GRM7: variants seen among roughly 807,000 people sequenced by gnomAD.
GRM7 encodes glutamate metabotropic receptor 7, also known as metabotropic glutamate receptor 7.
Under a neutral mutation model 84.5 loss-of-function variants are expected in GRM7, and 35 were observed. The ratio of observed to expected loss-of-function variants is 0.41; its 90% CI spans 0.32 to 0.55. The LOEUF (loss-of-function observed/expected upper bound fraction) is 0.55. Ranked by LOEUF, GRM7 falls within the 20% of genes least tolerant of loss-of-function variation. The pLI is 0.19. For missense variants in GRM7, 1,003 were observed against 1,194.6 expected (o/e 0.84, Z 2.36); for synonymous variants, 487 against 455.1 (o/e 1.07, Z -0.89).
chr3:7,090,839 T>C (rs528494172), intron 1 of GRM7, among the ~76,000 whole-genome samples: 1 of 152,308 alleles, frequency 6.6e-6, no homozygotes, highest in South Asian at 2.1e-4. Flanking sequence ...CCATGAGTCT[T>C]TGAAGTGCTT....
At chr3:7,112,657 T>G (rs1226176818) in intron 1 of GRM7, among the ~76,000 whole-genome samples, 2 of 152,188 alleles carry the variant, frequency 1.3e-5, no homozygotes, top group Non-Finnish European at 2.9e-5. Flanking sequence ...GTTTTTGTCC[T>G]CACTTGGCTT....
At chr3:7,317,209 C>T (rs9869032) in intron 4 of GRM7, among the ~76,000 whole-genome samples, 10,000 of 152,112 alleles carry the variant, frequency 0.066, 888 homozygotes, top group African/African-American at 0.2. Context: ...AATACAAAAA[C>T]GAACGTGGTG....
At chr3:7,173,811 T>G (rs1029214488) in intron 2 of GRM7, among the ~76,000 whole-genome samples, 1 of 152,206 alleles carries the variant, frequency 6.6e-6, no homozygotes, top group Non-Finnish European at 1.5e-5. Context: ...CAGAATGAGA[T>G]AGTTTCCTCT....
chr3:7,418,791 T>A (rs1490606175), intron 5 of GRM7, among the ~76,000 whole-genome samples: 1 of 152,186 alleles, frequency 6.6e-6, no homozygotes, highest in East Asian at 1.9e-4. Flanking sequence ...TATACCACAG[T>A]GGTTAAGAAA....
intron 1 of GRM7, among the ~76,000 whole-genome samples, chr3:6,922,787 C>A (rs1697168998): frequency 6.6e-6 from 1 of 152,008 alleles, no homozygotes; most frequent in Non-Finnish European, 1.5e-5. Context: ...ATGTTCTGTT[C>A]AAAGATAATG....
chr3:7,228,744 C>T (rs1023892067), intron 2 of GRM7, among the ~76,000 whole-genome samples: 35 of 152,092 alleles, frequency 2.3e-4, no homozygotes, highest in African/African-American at 8.5e-4. Context: ...AATCATAGTT[C>T]TACTACCAGA....
intron 1 of GRM7, among the ~76,000 whole-genome samples, chr3:7,118,340 T>A (rs1042741527): frequency 4.0e-5 from 6 of 151,864 alleles, no homozygotes; most frequent in Non-Finnish European, 5.9e-5. Flanking sequence ...TAGTGAGCTG[T>A]GGTCATACCA....
intron 1 of GRM7, among the ~76,000 whole-genome samples, chr3:7,001,137 T>C (rs1302069984): frequency 6.6e-6 from 1 of 152,148 alleles, no homozygotes; most frequent in Non-Finnish European, 1.5e-5. Flanking sequence ...GCAAAGCCTT[T>C]TTAAATACAA....
chr3:7,094,860 T>C (rs931656949), intron 1 of GRM7, among the ~76,000 whole-genome samples: 3 of 152,158 alleles, frequency 2.0e-5, no homozygotes, highest in African/African-American at 7.2e-5. Flanking sequence ...TTAAAAAAAT[T>C]ACATCTTTAT....
intron 1 of GRM7, among the ~76,000 whole-genome samples, chr3:7,104,844 G>A (rs1699240676): frequency 6.6e-6 from 1 of 151,704 alleles, no homozygotes; most frequent in South Asian, 2.1e-4. Flanking sequence ...ATAAAAATTG[G>A]CATATCTAAG....
At chr3:6,956,539 T>C (rs1228936717) in intron 1 of GRM7, 1 of 456,076 alleles carries the variant, frequency 2.2e-6, no homozygotes, top group African/African-American at 2.0e-5. Context: ...GTGGCATATT[T>C]TCCACACTCT....
In GRM7 at chr3:7,210,491, G is replaced by A. The variant is rs776245980; in HGVS notation, c.736+63823G>A. Among the ~76,000 whole-genome samples the A allele has an allele frequency of 7.4e-4, 112 of 152,174 alleles. 1 individual carries two copies. The highest frequency in any genetic ancestry group is 2.8e-4 in the Non-Finnish European group (19 of 68,032). On this transcript the variant is annotated intron_variant, in intron 2 of 9. Transcript: ENST00000357716. ...AGAGGGATGTGAAAGTGTAAGGCCA[G>A]GTGTTACAGAAGGTATGTGTTTTTA...
chr3:6,940,151 G>C (rs750108940), intron 1 of GRM7, among the ~76,000 whole-genome samples: 1 of 152,186 alleles, frequency 6.6e-6, no homozygotes, highest in African/African-American at 2.4e-5. Context: ...GAATGCAGTG[G>C]CACAATCGTG....
At position 7,438,845 on chromosome 3, in the gene GRM7, A is replaced by G. The variant is rs1346260126; in HGVS notation, c.1175-13762A>G. Among the ~76,000 whole-genome samples the G allele has an allele frequency of 8.8e-4, 134 of 152,226 alleles. 2 individuals carry two copies. Among genetic ancestry groups the G allele is most frequent in the Non-Finnish European group, 7.4e-5 (5 of 68,008 alleles). On this transcript the variant is annotated intron_variant, in intron 5 of 9. Coordinates refer to ENST00000357716, the MANE Select transcript of GRM7 (RefSeq NM_000844.4). ...GGGGGACACACACAATATATACAGCACAGGAGCTGCCACATATTTATGTGA... is the reference window on the plus strand; with the variant it reads ...GGGGGACACACACAATATATACAGCGCAGGAGCTGCCACATATTTATGTGA...
chr3:7,718,981 G>A (rs948196051), intron 9 of GRM7, among the ~76,000 whole-genome samples: 1 of 152,196 alleles, frequency 6.6e-6, no homozygotes, highest in Non-Finnish European at 1.5e-5. Flanking sequence ...AACCTGGTAT[G>A]ATTCATATTG....
At position 7,144,177 on chromosome 3, in the gene GRM7, AT is replaced by A. The variant is rs1448531789; in HGVS notation, c.520-2274del. Among the ~76,000 whole-genome samples the A allele has an allele frequency of 1.2e-4, 18 of 152,288 alleles. 1 individual carries two copies. In the South Asian group the frequency reaches 3.7e-3, roughly 32 times the overall value. ...TTCCTTTTTAATGCTTATTTAAAAA[AT>A]ATTTTAGTAATAATTCAGCAAAGCA... On this transcript the variant is annotated intron_variant, in intron 1 of 9. Transcript: ENST00000357716.
At chr3:7,189,624 G>A (rs115351210) in intron 2 of GRM7, among the ~76,000 whole-genome samples, 2,122 of 152,190 alleles carry the variant, frequency 0.014, 54 homozygotes, top group African/African-American at 0.049. Flanking sequence ...CCAAAGTAAG[G>A]TGACCTCAAC....
chr3:7,465,721 C>T (rs1698435665), intron 7 of GRM7, among the ~76,000 whole-genome samples: 2 of 152,016 alleles, frequency 1.3e-5, no homozygotes, highest in Non-Finnish European at 2.9e-5. Flanking sequence ...TTCTCAGTTA[C>T]ATCATCTCAA....
chr3:7,137,507 A>ACAGCAGG (rs1693809084), intron 1 of GRM7, among the ~76,000 whole-genome samples: 2 of 152,058 alleles, frequency 1.3e-5, no homozygotes, highest in Non-Finnish European at 2.9e-5. Context: ...TCAAACCTTG[A>ACAGCAGG]TTACTTGAAA....
Sources: gnomAD v4.1 joint callset for allele counts (sites outside exome capture counted in the v4.1 genomes callset) on GRCh38, gnomAD v4.1.1 for gene constraint, MANE v1.5 for transcripts, NCBI Gene and HGNC (gene_info 2026-07-23, HGNC 2026-07-21) for gene names.